Variants in EPS15 observed in about 807,000 individuals in gnomAD.
EPS15 encodes epidermal growth factor receptor substrate 15.
In EPS15, 72 loss-of-function variants were observed where a neutral mutation model predicts 113.8. The ratio of observed to expected loss-of-function variants is 0.63; its 90% CI spans 0.52 to 0.77. The LOEUF (loss-of-function observed/expected upper bound fraction) is 0.77, where lower values mean the gene tolerates loss of function less well. Ranked by LOEUF, EPS15 falls within the 30% of genes least tolerant of loss-of-function variation. The pLI is 0.00. For synonymous variants in EPS15, 344 were observed against 363.4 expected (o/e 0.95, Z 0.61); for missense variants, 1,048 against 1,045.8 (o/e 1.00, Z -0.03).
chr1:51,462,052 C>G (rs943981511), intron 7 of EPS15: 4 of 152,188 alleles, frequency 2.6e-5, no homozygotes, highest in Admixed American at 2.0e-4. Flanking sequence ...CCTATGTAAT[C>G]TGCTGAAGCA....
intron 1 of EPS15, among the ~76,000 whole-genome samples, chr1:51,508,867 T>C (rs1644569697): frequency 6.6e-6 from 1 of 152,216 alleles, no homozygotes; most frequent in South Asian, 2.1e-4. Flanking sequence ...ACAATTTAAC[T>C]TGAATCAAAT....
At chr1:51,453,633 T>C (rs1260117071) in intron 8 of EPS15, among the ~76,000 whole-genome samples, 2 of 152,130 alleles carry the variant, frequency 1.3e-5, no homozygotes, top group Admixed American at 6.5e-5. Flanking sequence ...AATGTCTTTT[T>C]ATTTCAAAGT....
intron 2 of EPS15, among the ~76,000 whole-genome samples, chr1:51,476,748 G>A (rs1012956101): frequency 6.6e-6 from 1 of 152,008 alleles, no homozygotes; most frequent in South Asian, 2.1e-4. Flanking sequence ...TTTATATGCT[G>A]GATTATGTTT....
intron 19 of EPS15, among the ~76,000 whole-genome samples, chr1:51,400,610 T>C (rs561786554): frequency 5.3e-5 from 8 of 149,670 alleles, no homozygotes; most frequent in African/African-American, 1.5e-4. Flanking sequence ...GGCAGGAGGA[T>C]TGCTTGAGCC....
At chr1:51,510,354 C>CCTG (rs1644597912) in intron 1 of EPS15, among the ~76,000 whole-genome samples, 1 of 152,154 alleles carries the variant, frequency 6.6e-6, no homozygotes, top group Non-Finnish European at 1.5e-5. Context: ...AACAGATGTG[C>CCTG]CTGGGTTCAA....
chr1:51,500,155 T>C (rs1644387380), intron 1 of EPS15, among the ~76,000 whole-genome samples: 1 of 152,250 alleles, frequency 6.6e-6, no homozygotes, highest in Admixed American at 6.5e-5. Context: ...AAATACTCCG[T>C]TGCATGTAGA....
At chr1:51,381,656 A>C (rs960618682) in intron 21 of EPS15, among the ~76,000 whole-genome samples, 6 of 152,166 alleles carry the variant, frequency 3.9e-5, no homozygotes, top group Non-Finnish European at 1.5e-5. Context: ...AAAAATTAAC[A>C]GCAGAAGCAA....
chr1:51,412,163 C>T (rs924178476), intron 13 of EPS15, among the ~76,000 whole-genome samples: 2 of 152,064 alleles, frequency 1.3e-5, no homozygotes, highest in Non-Finnish European at 2.9e-5. Context: ...ACAATGAGAA[C>T]GCATGGACAC....
chr1:51,356,769 T>G lies in EPS15; in HGVS notation c.2622A>C (p.Leu874=). The change falls in exon 25 of 25, where the codon CTA becomes CTC. Residue 874 remains leucine (L), a synonymous_variant. Coordinates refer to ENST00000371733, the MANE Select transcript of EPS15 (RefSeq NM_001981.3). The stretch of plus-strand genomic sequence containing the variant: ...CTAAGTCTTCTTGTTCCTGCTGATT[T>G]AGTCGGGCAAGCCTCTGCTCTTCCT... The part of the protein sequence containing the change: ...EREEEQRLAR[L]NQQEQEDLEL... 1 of 1,614,022 alleles carries G rather than the reference T, an allele frequency of 6.2e-7. No individual in the cohort carries two copies.
intron 24 of EPS15, 113 bp from the exon 25 acceptor site, chr1:51,356,959 G>C (rs1646230993): frequency 1.3e-6 from 1 of 794,554 alleles, no homozygotes; most frequent in Non-Finnish European, 1.9e-6. Flanking sequence ...AAATAGTCTG[G>C]TTACTTGTTA....
chr1:51,516,547 A>G (rs12757726), intron 1 of EPS15, among the ~76,000 whole-genome samples: 8,795 of 152,230 alleles, frequency 0.058, 344 homozygotes, highest in Non-Finnish European at 0.086. Flanking sequence ...AATTTAGATA[A>G]TTTATTTTGG....
intron 8 of EPS15, among the ~76,000 whole-genome samples, chr1:51,452,679 C>G (rs189515973): frequency 6.6e-4 from 101 of 152,292 alleles, no homozygotes; most frequent in South Asian, 1.0e-3. Flanking sequence ...AGAAGTGATA[C>G]AGTGGGGTTC....
chr1:51,408,632 A>G (rs2148429501), intron 14 of EPS15, among the ~76,000 whole-genome samples: 1 of 151,252 alleles, frequency 6.6e-6, no homozygotes, highest in Non-Finnish European at 1.5e-5. Flanking sequence ...TTGATGTTTT[A>G]TTTTTTTGAG....
intron 21 of EPS15, among the ~76,000 whole-genome samples, chr1:51,379,215 G>A (rs775348703): frequency 2.0e-5 from 3 of 152,124 alleles, no homozygotes; most frequent in Non-Finnish European, 4.4e-5. Context: ...TGCCTCCCGG[G>A]TTCAAGTGAT....
At chr1:51,363,013 C>CTT (rs1646422435) in intron 23 of EPS15, among the ~76,000 whole-genome samples, 1 of 151,906 alleles carries the variant, frequency 6.6e-6, no homozygotes, top group South Asian at 2.1e-4. Context: ...AGAAAAGAGT[C>CTT]TTGGCCAGGT....
At chr1:51,401,671 T>C (rs1648569499) in intron 18 of EPS15, among the ~76,000 whole-genome samples, 1 of 152,196 alleles carries the variant, frequency 6.6e-6, no homozygotes, top group South Asian at 2.1e-4. Flanking sequence ...AAATGGCTAA[T>C]AAGCATCTAG....
chr1:51,458,249 G>A (rs897152285), intron 8 of EPS15: 3 of 151,470 alleles, frequency 2.0e-5, no homozygotes, highest in African/African-American at 7.3e-5. Flanking sequence ...CAAAATTCAA[G>A]GTAGTAATTT....
intron 9 of EPS15, 34 bp downstream of exon 9, chr1:51,448,011 GA>G: frequency 6.2e-7 from 1 of 1,605,586 alleles, no homozygotes; most frequent in Non-Finnish European, 8.5e-7. Context: ...TGATGCTGAA[GA>G]GGGGATCAAC....
intron 1 of EPS15, among the ~76,000 whole-genome samples, chr1:51,503,807 T>G (rs1344592040): frequency 6.6e-6 from 1 of 152,236 alleles, no homozygotes; most frequent in African/African-American, 2.4e-5. Context: ...AACTGATTAT[T>G]GACAAGAGTG....
Sources: gnomAD v4.1 joint callset for allele counts (sites outside exome capture counted in the v4.1 genomes callset) on GRCh38, gnomAD v4.1.1 for gene constraint, MANE v1.5 for transcripts, NCBI Gene and HGNC (gene_info 2026-07-23, HGNC 2026-07-21) for gene names.